The following PTK2B variants were observed in gnomAD, a reference collection of about 807,000 sequenced individuals.
The protein encoded by PTK2B is protein-tyrosine kinase 2-beta.
PTK2B carries 71 observed loss-of-function variants against 142.9 expected under a neutral mutation model. That is an observed-to-expected ratio of 0.50 (90% CI 0.41 to 0.61). The LOEUF is 0.61. PTK2B is among the 20% of genes least tolerant of loss of function. The pLI is 0.00. For synonymous variants in PTK2B, 519 were observed against 503.4 expected, an observed-to-expected ratio of 1.03 and a Z score of -0.42; for missense variants, 1,105 against 1,320.4, an observed-to-expected ratio of 0.84 and a Z score of 2.53.
In PTK2B at chr8:27,363,969, TC is replaced by T. The variant is rs1273100018; in HGVS notation, c.-37-33574del. 5.9e-5 allele frequency among the ~76,000 whole-genome samples: 9 copies of T among 152,036 alleles called. No homozygotes were observed. The highest frequency in any genetic ancestry group is 2.0e-4 in the Admixed American group (3 of 15,282). The stretch of plus-strand genomic sequence containing the variant: ...GTCTTGACACATGCGCACAAGCAGC[TC>T]CCCCAAGTTAAGAGCCTGTGTATCA... On this transcript the variant is annotated intron_variant, in intron 1 of 30. Coordinates refer to ENST00000346049, the MANE Select transcript of PTK2B (RefSeq NM_173176.3). This position sits in a 1 kb window ranked among gnomAD's most constrained non-coding sequence, Gnocchi z 4.3.
At chr8:27,311,095 G>A (rs151164189), upstream of PTK2B, 1 of 1,597,914 alleles carries the variant, frequency 6.3e-7, no homozygotes, top group East Asian at 2.3e-5. Flanking sequence ...CCTCCCAGCA[G>A]CGGCTCACGC....
intron 22 of PTK2B, 120 bp from the exon 23 acceptor site, chr8:27,444,086 C>A (rs939788657): frequency 1.2e-5 from 12 of 1,004,264 alleles, no homozygotes; most frequent in Non-Finnish European, 1.7e-5. Context: ...ACAGCTTTGT[C>A]CCTCAACTTT....
At chr8:27,417,324 G>T (rs770478261) in intron 2 of PTK2B, among the ~76,000 whole-genome samples, 1 of 152,162 alleles carries the variant, frequency 6.6e-6, no homozygotes, top group Non-Finnish European at 1.5e-5. Flanking sequence ...AGTGAAAAAA[G>T]ACACCAAAAA....
At chr8:27,339,491 C>G (rs1472749382) in intron 1 of PTK2B, among the ~76,000 whole-genome samples, 1 of 152,100 alleles carries the variant, frequency 6.6e-6, no homozygotes, top group Non-Finnish European at 1.5e-5. Flanking sequence ...GCAAATGGTA[C>G]TCTGGAGTTT....
At chr8:27,372,777 A>C (rs1346829506) in intron 1 of PTK2B, among the ~76,000 whole-genome samples, 3 of 152,180 alleles carry the variant, frequency 2.0e-5, no homozygotes, top group Non-Finnish European at 4.4e-5. Context: ...GGGTAACCCT[A>C]GCTGAGGTTG....
chr8:27,371,305 G>A (rs539411552), intron 1 of PTK2B, among the ~76,000 whole-genome samples: 9 of 152,248 alleles, frequency 5.9e-5, no homozygotes, highest in Non-Finnish European at 1.0e-4. Context: ...CATTCTTGCC[G>A]GCTGAGAGAG....
At chr8:27,313,110 C>A (rs983911851) in intron 2 of PTK2B, 1 of 152,212 alleles carries the variant, frequency 6.6e-6, no homozygotes, top group East Asian at 1.9e-4. Flanking sequence ...GTTTTCCCCC[C>A]ATGCTGTTCT....
Position 27,430,968 on chromosome 8 carries a change from C to T in PTK2B, c.762C>T (p.Leu254=), listed in dbSNP as rs765808730. The T allele has an allele frequency of 3.1e-6, 5 of 1,614,066 alleles. No homozygotes were observed. Among genetic ancestry groups the T allele is most frequent in the African/African-American group, 1.3e-5 (1 of 74,938 alleles). The change falls in exon 8 of 31, where the codon CTC becomes CTT. Residue 254 remains leucine (L), a synonymous_variant. Transcript: ENST00000346049. ...EECVMKFFNT[L]AGFANIDQET... The stretch of plus-strand genomic sequence containing the variant: ...GCGTCATGAAGTTCTTCAACACTCT[C>T]GCCGGCTTCGCCAACATCGACCAGG...
intron 30 of PTK2B, 26 bp from the exon 31 acceptor site, chr8:27,458,268 A>C (rs376493958): frequency 1.9e-6 from 3 of 1,605,766 alleles, no homozygotes; most frequent in Non-Finnish European, 2.6e-6. Context: ...TGGCCTCTCA[A>C]CCTGTCCTGT....
intron 24 of PTK2B, among the ~76,000 whole-genome samples, chr8:27,446,408 G>T (rs537557309): frequency 6.6e-6 from 1 of 152,304 alleles, no homozygotes; most frequent in Admixed American, 6.5e-5. Flanking sequence ...TTTAGGGCTA[G>T]TGGGAATACA....
upstream of PTK2B, chr8:27,323,492 C>T (rs1803269771): frequency 6.6e-6 from 1 of 152,282 alleles, no homozygotes; most frequent in Admixed American, 6.5e-5. Context: ...GCTTGAGATA[C>T]AGAAGTAGAA....
At chr8:27,314,086 G>A (rs796880101) in intron 3 of PTK2B, among the ~76,000 whole-genome samples, 1 of 152,194 alleles carries the variant, frequency 6.6e-6, no homozygotes. Context: ...ATGCATGTTC[G>A]TAGAGGCCAA....
At position 27,405,070 on chromosome 8, in the gene PTK2B, T is replaced by TCTCTCTCTC. The variant is rs1554498574; in HGVS notation, c.204+7282_204+7283insCTCTCTCTC. Among the ~76,000 whole-genome samples, 24 of 63,042 alleles carry TCTCTCTCTC rather than the reference T, an allele frequency of 3.8e-4. No individual in the cohort carries two copies. In the South Asian group the frequency reaches 0.015, roughly 38 times the overall value. 41.4% of individuals were successfully genotyped at this position (63,042 alleles called of 152,430 possible). A position where few individuals can be genotyped will look rare whatever the true frequency, so the allele number is the denominator to read the frequency against. ...TCTCTCTCTCTCTCTCTCTCTCTCT[T>TCTCTCTCTC]AGCCATGTGAGGACAGAAGGAGAAG... On this transcript the variant is annotated intron_variant, in intron 2 of 30. Coordinates refer to ENST00000346049, the MANE Select transcript of PTK2B (RefSeq NM_173176.3).
At chr8:27,318,439 G>A (rs1803138351) in intron 3 of PTK2B, among the ~76,000 whole-genome samples, 1 of 152,178 alleles carries the variant, frequency 6.6e-6, no homozygotes, top group Non-Finnish European at 1.5e-5. Context: ...GAGCCAAGAA[G>A]ACCAAAGTCA....
At chr8:27,353,775 A>T (rs1225818138) in intron 1 of PTK2B, among the ~76,000 whole-genome samples, 4 of 152,192 alleles carry the variant, frequency 2.6e-5, no homozygotes, top group African/African-American at 7.2e-5. Flanking sequence ...CTTAGACCTG[A>T]CTATGGGTGG....
chr8:27,396,594 C>G (rs532300352), intron 1 of PTK2B, among the ~76,000 whole-genome samples: 1 of 152,318 alleles, frequency 6.6e-6, no homozygotes, highest in African/African-American at 2.4e-5. Flanking sequence ...TGAAAGCTTC[C>G]CTAGTGATTA....
chr8:27,394,999 G>A (rs1807954853), intron 1 of PTK2B, among the ~76,000 whole-genome samples: 1 of 152,078 alleles, frequency 6.6e-6, no homozygotes, highest in Non-Finnish European at 1.5e-5. Context: ...AGCTGTCATC[G>A]CGTATGAGAG....
chr8:27,449,669 C>A (rs1475330120), intron 24 of PTK2B, among the ~76,000 whole-genome samples: 2 of 152,248 alleles, frequency 1.3e-5, no homozygotes, highest in Non-Finnish European at 2.9e-5. Context: ...CCTCCTCCAT[C>A]TGTCCAGGAG....
chr8:27,357,656 G>T (rs1805463100), intron 1 of PTK2B, among the ~76,000 whole-genome samples: 1 of 152,242 alleles, frequency 6.6e-6, no homozygotes, highest in Admixed American at 6.5e-5. Flanking sequence ...AGGTTAGAGA[G>T]AGGAGATGCC....
Sources: gnomAD v4.1 joint callset for allele counts (sites outside exome capture counted in the v4.1 genomes callset) on GRCh38, gnomAD v4.1.1 for gene constraint, Gnocchi (gnomAD v3.1) non-coding constraint, MANE v1.5 for transcripts, NCBI Gene and HGNC (gene_info 2026-07-23, HGNC 2026-07-21) for gene names.